FMNL2: variants seen among roughly 807,000 people sequenced by gnomAD.
FMNL2 encodes the protein formin like 2, also known as formin-like protein 2.
A neutral mutation model predicts 130.2 loss-of-function variants in FMNL2; 51 were observed. That is an observed-to-expected ratio of 0.39 (90% CI 0.31 to 0.49). FMNL2 has a LOEUF of 0.49. Among genes scored for constraint, FMNL2 ranks in the 20% least tolerant of loss-of-function variants. FMNL2 has a pLI of 0.85. For synonymous variants in FMNL2, 465 were observed against 467.1 expected, an observed-to-expected ratio of 1.00 and a Z score of 0.06; for missense variants, 977 against 1,316.2, an observed-to-expected ratio of 0.74 and a Z score of 3.99.
chr2:152,528,641 C>T (rs2105433204), intron 2 of FMNL2, among the ~76,000 whole-genome samples: 1 of 152,316 alleles, frequency 6.6e-6, no homozygotes, highest in Non-Finnish European at 1.5e-5. Flanking sequence ...CATCTGCAAA[C>T]ACCCTTTTTT....
intron 1 of FMNL2, among the ~76,000 whole-genome samples, chr2:152,346,234 A>G (rs773648958): frequency 1.3e-5 from 2 of 152,064 alleles, no homozygotes; most frequent in Non-Finnish European, 2.9e-5. Context: ...CATGTTGCCC[A>G]AGCTGCTCTT....
chr2:152,601,555 C>T (rs1259945481), intron 9 of FMNL2, among the ~76,000 whole-genome samples: 2 of 151,978 alleles, frequency 1.3e-5, no homozygotes, highest in African/African-American at 4.8e-5. Context: ...CCCACCTTGG[C>T]CTCCCAAAGT....
intron 9 of FMNL2, among the ~76,000 whole-genome samples, chr2:152,587,100 G>C (rs1433641275): frequency 5.3e-5 from 8 of 152,180 alleles, no homozygotes; most frequent in Non-Finnish European, 8.8e-5. Flanking sequence ...CGTGGCTTGG[G>C]CTTCTCACAG....
At chr2:152,502,365 A>G (rs1484036337) in intron 1 of FMNL2, among the ~76,000 whole-genome samples, 1 of 152,244 alleles carries the variant, frequency 6.6e-6, no homozygotes, top group Non-Finnish European at 1.5e-5. Context: ...GAAGAATATA[A>G]GAGGGATGGT....
At chr2:152,364,261 GTTTTTTTTTTTTTTT>G (rs869062341) in intron 1 of FMNL2, among the ~76,000 whole-genome samples, 2 of 24,460 alleles carry the variant, frequency 8.2e-5, no homozygotes, top group African/African-American at 1.3e-4. Context: ...AGGTTTGTGT[GTTTTTTTTTTTTTTT>G]TTTTTTTTTT....
chr2:152,344,555 A>T lies in FMNL2; in HGVS notation c.117+8835A>T, dbSNP rs368824393. 2.6e-5 allele frequency among the ~76,000 whole-genome samples: 4 copies of T among 152,356 alleles called. No individual in the cohort carries two copies. The South Asian group carries it at 8.3e-4, about 32-fold the overall frequency. On this transcript the variant is annotated intron_variant, in intron 1 of 25. Transcript: ENST00000288670. ...AAAAGGATAAATCCTGTTGAATGGT[A>T]GAGAGACTTTATTTAACTATTTAAG...
intron 1 of FMNL2, among the ~76,000 whole-genome samples, chr2:152,444,727 T>G (rs1024721677): frequency 1.3e-5 from 2 of 152,352 alleles, no homozygotes; most frequent in East Asian, 3.9e-4. Context: ...GGCAGCTGTT[T>G]CCTTGAGATC....
chr2:152,606,776 T>C (rs1486867577), intron 9 of FMNL2, among the ~76,000 whole-genome samples: 2 of 151,902 alleles, frequency 1.3e-5, no homozygotes, highest in Non-Finnish European at 2.9e-5. Context: ...GTTTCAGGAT[T>C]CTGGGATGCT....
intron 9 of FMNL2, among the ~76,000 whole-genome samples, chr2:152,600,367 A>G (rs1224966795): frequency 6.6e-6 from 1 of 152,220 alleles, no homozygotes; most frequent in Non-Finnish European, 1.5e-5. Context: ...ACCCAGAAGC[A>G]TATTTTATAG....
intron 25 of FMNL2, among the ~76,000 whole-genome samples, chr2:152,642,698 C>T (rs1309473162): frequency 6.6e-6 from 1 of 152,190 alleles, no homozygotes; most frequent in African/African-American, 2.4e-5. Flanking sequence ...AGCATCCAGC[C>T]TTGCTCATTA....
intron 12 of FMNL2, 21 bp downstream of exon 12, chr2:152,615,021 G>C (rs1446210193): frequency 1.9e-6 from 3 of 1,601,632 alleles, no homozygotes; most frequent in Non-Finnish European, 2.5e-6. Context: ...CTCAGAAAAG[G>C]AAAAATTGCT....
intron 1 of FMNL2, among the ~76,000 whole-genome samples, chr2:152,388,389 C>T (rs1263506649): frequency 2.0e-5 from 3 of 152,112 alleles, no homozygotes; most frequent in Non-Finnish European, 2.9e-5. Context: ...GAAGCAAACG[C>T]GTCCTTCTTC....
At chr2:152,370,483 T>TC in intron 1 of FMNL2, among the ~76,000 whole-genome samples, 1 of 152,294 alleles carries the variant, frequency 6.6e-6, no homozygotes, top group East Asian at 1.9e-4. Context: ...CTTCAAATAA[T>TC]ATGAGCTTTT....
At chr2:152,487,566 G>T (rs1690899221) in intron 1 of FMNL2, among the ~76,000 whole-genome samples, 1 of 152,162 alleles carries the variant, frequency 6.6e-6, no homozygotes, top group Non-Finnish European at 1.5e-5. Context: ...TAACTTAAAA[G>T]TGGAACCAAT....
In FMNL2 at chr2:152,450,927, G is replaced by A. The variant is rs75723717; in HGVS notation, c.118-71016G>A. Among the ~76,000 whole-genome samples the A allele has an allele frequency of 8.0e-3, 1,213 of 152,332 alleles. 13 individuals carry two copies. Among genetic ancestry groups the A allele is most frequent in the African/African-American group, 0.025 (1,026 of 41,570 alleles). On this transcript the variant is annotated intron_variant, in intron 1 of 25. Coordinates refer to ENST00000288670, the MANE Select transcript of FMNL2 (RefSeq NM_052905.4). Reference sequence around the variant, plus strand: ...CGGTGGATTTTGAAGGTTCTTCTGGGATGTGGCAGGTCGCTGGGTCTCCAG... The same window carrying A: ...CGGTGGATTTTGAAGGTTCTTCTGGAATGTGGCAGGTCGCTGGGTCTCCAG...
At chr2:152,365,989 A>G (rs1683508310) in intron 1 of FMNL2, among the ~76,000 whole-genome samples, 1 of 152,132 alleles carries the variant, frequency 6.6e-6, no homozygotes, top group Non-Finnish European at 1.5e-5. Context: ...CCATGTAAAA[A>G]TTAACATGTA....
intron 1 of FMNL2, among the ~76,000 whole-genome samples, chr2:152,505,347 A>G (rs1692106588): frequency 6.6e-6 from 1 of 152,228 alleles, no homozygotes; most frequent in Non-Finnish European, 1.5e-5. Context: ...ATCTAAGGGC[A>G]GGTTGAGTTA....
chr2:152,335,611 A>G lies in FMNL2; in HGVS notation c.8A>G (p.Asn3Ser). Residue 3 changes from asparagine to serine, a missense_variant, in exon 1 of 26, where the codon AAC becomes AGC. This residue lies in a region of FMNL2 where 117 missense variants were observed against 134.9 expected (regional missense o/e 0.87). Coordinates refer to ENST00000288670, the MANE Select transcript of FMNL2 (RefSeq NM_052905.4). ...CCCCGGCGCGCCGCCGACATGGGCA[A>G]CGCAGGGAGCATGGATTCGCAGCAG... MG[N>S]AGSMDSQQTD... 6.3e-7 allele frequency: 1 copy of G among 1,587,984 alleles called. No individual in the cohort carries two copies. The highest frequency in any genetic ancestry group is 8.6e-7 in the Non-Finnish European group (1 of 1,167,134).
rs546908149 is a variant in FMNL2, at chr2:152,634,216, T to G, written c.2680+2079T>G. On this transcript the variant is annotated intron_variant, in intron 21 of 25. Transcript: ENST00000288670. ...GGGAGGCTGAGGCGGGCGGATCACT[T>G]GAGGTCAGGAGTTTGAGACCAGCGT... Among the ~76,000 whole-genome samples, 360 of 152,280 alleles carry G rather than the reference T, an allele frequency of 2.4e-3. 1 individual carries two copies. Among genetic ancestry groups the G allele is most frequent in the Non-Finnish European group, 4.4e-3 (296 of 67,996 alleles).
Sources: allele counts gnomAD v4.1 joint callset (sites outside exome capture counted in the v4.1 genomes callset), GRCh38; gene constraint gnomAD v4.1.1; regional missense constraint gnomAD v4.1.1; transcripts MANE v1.5; gene names NCBI Gene and HGNC (gene_info 2026-07-23, HGNC 2026-07-21).